GSTM3: variants seen among roughly 807,000 people sequenced by gnomAD.
GSTM3 encodes GST class-mu 3.
In GSTM3, 34 loss-of-function variants were observed where a neutral mutation model predicts 36.1. That is an observed-to-expected ratio of 0.94 (90% CI 0.72 to 1.25). The LOEUF (loss-of-function observed/expected upper bound fraction) is 1.25. GSTM3 is among the 50% of genes most tolerant of loss of function. GSTM3 has a pLI of 0.00. For synonymous variants in GSTM3, 102 were observed against 99.5 expected (o/e 1.03, Z -0.15); for missense variants, 266 against 281.6 (o/e 0.94, Z 0.40).
Position 109,735,591 on chromosome 1 carries a change from G to T in GSTM3, c.*1480C>A, listed in dbSNP as rs55637463. 1 of 147,894 alleles carries T rather than the reference G, an allele frequency of 6.8e-6. No homozygotes were observed. The highest frequency in any genetic ancestry group is 2.5e-5 in the African/African-American group (1 of 40,014). The allele number at this position is 147,894 out of a possible 1,614,324, so 9.2% of individuals were successfully genotyped here. ...CGGTTTCCACTTATTTGTCATTACA[G>T]ACAATGCCACAGTGAACATCTTAGT... On this transcript the variant is annotated 3_prime_UTR_variant, in exon 9 of 9. Transcript: ENST00000361066.
intron 6 of GSTM3, 83 bp from the exon 7 acceptor site, chr1:109,737,834 G>A: frequency 1.2e-6 from 1 of 853,360 alleles, no homozygotes; most frequent in Non-Finnish European, 1.9e-6. Context: ...ACACTTAGTA[G>A]CCCCTTCTCT....
chr1:109,740,377 G>C lies in GSTM3; in HGVS notation c.-90C>G. On this transcript the variant is annotated 5_prime_UTR_variant, in exon 2 of 9. Transcript: ENST00000361066. ...CATAAGGGGGCGGGGCCCACGCGCGGGCGCCCTGACTCCGCCTCCGCCCCG... is the reference window on the plus strand; with the variant it reads ...CATAAGGGGGCGGGGCCCACGCGCGCGCGCCCTGACTCCGCCTCCGCCCCG... 8.2e-7 allele frequency: 1 copy of C among 1,222,334 alleles called. No homozygotes were observed. Among genetic ancestry groups the C allele is most frequent in the Non-Finnish European group, 1.2e-6 (1 of 855,656 alleles). The allele number at this position is 1,222,334 out of a possible 1,614,324, so 75.7% of individuals were successfully genotyped here. A position where few individuals can be genotyped will look rare whatever the true frequency, so the allele number is the denominator to read the frequency against.
At chr1:109,738,024 C>G (rs1414097044) in intron 6 of GSTM3, 67 bp downstream of exon 6, 4 of 978,128 alleles carry the variant, frequency 4.1e-6, no homozygotes, top group Admixed American at 3.5e-5. Context: ...ACAGAGATAA[C>G]CCTTGGGTTC....
chr1:109,734,940 C>T lies in GSTM3; in HGVS notation c.*2131G>A, dbSNP rs1006522760. The T allele has an allele frequency of 6.6e-6, 1 of 152,278 alleles. No individual in the cohort carries two copies. Among genetic ancestry groups the T allele is most frequent in the African/African-American group, 2.4e-5 (1 of 41,448 alleles). 9.4% of individuals were successfully genotyped at this position (152,278 alleles called of 1,614,324 possible). ...CTGCTCTGTGAAAGGAGAGTGGTGC[C>T]AAGTCATCTCCACAGGAGTCAGTGT... On this transcript the variant is annotated 3_prime_UTR_variant, in exon 9 of 9. Transcript: ENST00000361066.
chr1:109,740,438 G>C lies in GSTM3; in HGVS notation c.-151C>G. On this transcript the variant is annotated 5_prime_UTR_variant, in exon 2 of 9. Transcript: ENST00000361066. Reference sequence around the variant, plus strand: ...CTTGCCTCCGCGGCTCCACAGGGCCGTGCGCAGGCGCGACTAATGCCGGCG... The same window carrying C: ...CTTGCCTCCGCGGCTCCACAGGGCCCTGCGCAGGCGCGACTAATGCCGGCG... 1 of 667,278 alleles carries C rather than the reference G, an allele frequency of 1.5e-6. No homozygotes were observed. Among genetic ancestry groups the C allele is most frequent in the Admixed American group, 2.9e-5 (1 of 34,418 alleles). 41.3% of individuals were successfully genotyped at this position (667,278 alleles called of 1,614,324 possible).
Position 109,736,932 on chromosome 1 carries a change from C to T in GSTM3, c.*139G>A. On this transcript the variant is annotated 3_prime_UTR_variant, in exon 9 of 9. Transcript: ENST00000361066. ...GATGATTCTCCACATATCCTTTTTC[C>T]CTTTTAGCCTTTATACCCAAGAGAA... The T allele has an allele frequency of 1.6e-6, 1 of 608,616 alleles. No individual in the cohort carries two copies. Among genetic ancestry groups the T allele is most frequent in the South Asian group, 2.0e-5 (1 of 49,494 alleles). The allele number at this position is 608,616 out of a possible 1,614,324, so 37.7% of individuals were successfully genotyped here.
rs1208769141 is a variant in GSTM3, at chr1:109,734,808, T to A, written c.*2263A>T. ...CTATTCCTCCTGACATCACTGGGTA[T>A]CCCTGCCATTTGGGCCCTCTGACCA... On this transcript the variant is annotated 3_prime_UTR_variant, in exon 9 of 9. Coordinates refer to ENST00000361066, the MANE Select transcript of GSTM3 (RefSeq NM_000849.5). The A allele has an allele frequency of 6.6e-6, 1 of 152,322 alleles. No individual in the cohort carries two copies. Among genetic ancestry groups the A allele is most frequent in the Non-Finnish European group, 1.5e-5 (1 of 68,114 alleles). 9.4% of individuals were successfully genotyped at this position (152,322 alleles called of 1,614,324 possible).
chr1:109,740,076 G>C, intron 2 of GSTM3, 164 bp downstream of exon 2: 1 of 874,950 alleles, frequency 1.1e-6, no homozygotes, highest in Non-Finnish European at 1.8e-6. Flanking sequence ...CTCCCCACAG[G>C]GCCCGCGATC....
At position 109,736,718 on chromosome 1, in the gene GSTM3, T is replaced by G. The variant is rs56333131; in HGVS notation, c.*353A>C. 30 of 207,136 alleles carry G rather than the reference T, an allele frequency of 1.4e-4. No individual in the cohort carries two copies. In the East Asian group the frequency reaches 3.2e-3, roughly 22 times the overall value. The allele number at this position is 207,136 out of a possible 1,614,324, so 12.8% of individuals were successfully genotyped here. A position where few individuals can be genotyped will look rare whatever the true frequency, so the allele number is the denominator to read the frequency against. ...CCGGTTAAGTCCATCAGTACCACAG[T>G]TTTACTTGTGTTATCCTCACCCAGT... On this transcript the variant is annotated 3_prime_UTR_variant, in exon 9 of 9. Coordinates refer to ENST00000361066, the MANE Select transcript of GSTM3 (RefSeq NM_000849.5).
At chr1:109,740,201 T>A (rs1015682366) in intron 2 of GSTM3, 39 bp downstream of exon 2, 1 of 1,588,856 alleles carries the variant, frequency 6.3e-7, no homozygotes, top group African/African-American at 1.3e-5. Context: ...CGCGTCAGTC[T>A]CTTTGACCGA....
rs1360093767 is a variant in GSTM3 at position 109,735,458 on chromosome 1, A to G, written c.*1613T>C. The G allele has an allele frequency of 6.6e-6, 1 of 152,108 alleles. No homozygotes were observed. Among genetic ancestry groups the G allele is most frequent in the African/African-American group, 2.4e-5 (1 of 41,408 alleles). 9.4% of individuals were successfully genotyped at this position (152,108 alleles called of 1,614,324 possible). On this transcript the variant is annotated 3_prime_UTR_variant, in exon 9 of 9. Coordinates refer to ENST00000361066, the MANE Select transcript of GSTM3 (RefSeq NM_000849.5). ...TGAAGGTGTTGTTATTACAGCTGTG[A>G]GCAACCACACCTGGCCTGTTTTGGG...
At chr1:109,737,862 C>T in intron 6 of GSTM3, 111 bp from the exon 7 acceptor site, 2 of 748,856 alleles carry the variant, frequency 2.7e-6, no homozygotes, top group Non-Finnish European at 4.6e-6. Context: ...TTCTCATTGC[C>T]TTCACTTGAG....
chr1:109,739,736 A>C, intron 3 of GSTM3, 97 bp downstream of exon 3: 2 of 939,222 alleles, frequency 2.1e-6, no homozygotes, highest in Non-Finnish European at 3.3e-6. Flanking sequence ...CAAACGTCCC[A>C]CCCGGCCTTG....
intron 4 of GSTM3, 125 bp downstream of exon 4, chr1:109,739,304 C>G: frequency 1.7e-6 from 1 of 591,530 alleles, no homozygotes; most frequent in Non-Finnish European, 3.1e-6. Context: ...CCCCTGAATT[C>G]TATTTATTCT....
chr1:109,737,956 G>T (rs564247067), intron 6 of GSTM3, 135 bp downstream of exon 6: 9 of 700,210 alleles, frequency 1.3e-5, no homozygotes. Context: ...AAAAATATAA[G>T]TTCTGTTTCT....
Position 109,738,122 on chromosome 1 carries a change from T to C in GSTM3, c.341A>G (p.Gln114Arg), listed in dbSNP as rs1331770286. 1 of 1,613,482 alleles carries C rather than the reference T, an allele frequency of 6.2e-7. No individual in the cohort carries two copies. Among genetic ancestry groups the C allele is most frequent in the South Asian group, 1.1e-5 (1 of 91,080 alleles). ...AGAGCTGTAACAGAGCCTTATCAGT[T>C]GTGTGCGGAAATCCATTACTTGGTT... is the stretch of plus-strand genomic sequence containing the variant. ...IENQVMDFRTQLIRLCYSSDH... is the reference protein window; with the variant it reads ...IENQVMDFRTRLIRLCYSSDH... Residue 114 changes from glutamine to arginine, a missense_variant, in exon 6 of 9, where the codon CAA becomes CGA. Gln to Arg is a conservative substitution (Grantham distance 43). Transcript: ENST00000361066.
At position 109,739,450 on chromosome 1, in the gene GSTM3, C is replaced by T. The variant is rs755158844; in HGVS notation, c.168G>A (p.Lys56=). 6.2e-7 allele frequency: 1 copy of T among 1,612,860 alleles called. No individual in the cohort carries two copies. The highest frequency in any genetic ancestry group is 1.1e-5 in the South Asian group (1 of 90,992). ...TTACATTAGGAAAGTCCAGGTCTAGCTTGAATTTCACATCCAGCCATTGGC... is the reference window on the plus strand; with the variant it reads ...TTACATTAGGAAAGTCCAGGTCTAGTTTGAATTTCACATCCAGCCATTGGC... The part of the protein sequence containing the change: ...DRSQWLDVKF[K]LDLDFPNLPY... Residue 56 remains lysine, a synonymous_variant, in exon 4 of 9, where the codon AAG becomes AAA. Coordinates refer to ENST00000361066, the MANE Select transcript of GSTM3 (RefSeq NM_000849.5).
At chr1:109,737,257 C>T (rs1240745698) in intron 8 of GSTM3, 88 bp from the exon 9 acceptor site, 9 of 942,958 alleles carry the variant, frequency 9.5e-6, no homozygotes, top group South Asian at 4.0e-5. Flanking sequence ...GTGTTGCCTG[C>T]GTCTACCTCC....
At chr1:109,740,011 C>T (rs1161901785) in intron 2 of GSTM3, 103 bp from the exon 3 acceptor site, 2 of 1,060,094 alleles carry the variant, frequency 1.9e-6, no homozygotes, top group Non-Finnish European at 2.8e-6. Context: ...TGCGTCCTGC[C>T]GGGGCGGTGG....
Sources: allele counts gnomAD v4.1 joint callset, GRCh38; gene constraint gnomAD v4.1.1; transcripts MANE v1.5; gene names NCBI Gene and HGNC (gene_info 2026-07-23, HGNC 2026-07-21).